Variants in NALCN observed in about 807,000 individuals in gnomAD.
NALCN encodes sodium leak channel, non-selective.
NALCN carries 111 observed loss-of-function variants against 225.3 expected under a neutral mutation model. The ratio of observed to expected loss-of-function variants is 0.49; its 90% CI spans 0.42 to 0.58. NALCN has a LOEUF of 0.58. Among genes scored for constraint, NALCN ranks in the 20% least tolerant of loss-of-function variants. NALCN has a pLI of 0.00. For missense variants in NALCN, 1,378 were observed against 2,202.4 expected (o/e 0.63, Z 7.49); for synonymous variants, 764 against 769.0 (o/e 0.99, Z 0.11).
intron 14 of NALCN, among the ~76,000 whole-genome samples, chr13:101,183,581 T>A (rs1190038450): frequency 2.0e-5 from 3 of 152,108 alleles, no homozygotes; most frequent in African/African-American, 7.2e-5. Flanking sequence ...TGCTTCAGCC[T>A]CCGAAGTAGC....
At chr13:101,066,308 C>A (rs866146184) in intron 39 of NALCN, among the ~76,000 whole-genome samples, 170 of 125,052 alleles carry the variant, frequency 1.4e-3, no homozygotes, top group African/African-American at 2.3e-3. Context: ...GACTCCATCT[C>A]AAAAAAAAAA....
Position 101,376,968 on chromosome 13 carries a change from C to A in NALCN, c.464G>T (p.Arg155Leu). ...PRPLIMIRAF[R>L]IYFRFELPRT... Reference sequence around the variant, plus strand: ...TGGCAGTTCAAATCGGAAATAAATCCGGAATGCTCGGATCATAATCAGTGG... The same window carrying A: ...TGGCAGTTCAAATCGGAAATAAATCAGGAATGCTCGGATCATAATCAGTGG... Residue 155 changes from arginine (R) to leucine (L), a missense_variant, in exon 5 of 44, where the codon CGG becomes CTG. Coordinates refer to ENST00000251127, the MANE Select transcript of NALCN (RefSeq NM_052867.4). 6.2e-7 allele frequency: 1 copy of A among 1,614,112 alleles called. No homozygotes were observed. The highest frequency in any genetic ancestry group is 8.5e-7 in the Non-Finnish European group (1 of 1,180,020).
intron 6 of NALCN, among the ~76,000 whole-genome samples, chr13:101,348,565 C>T (rs1046342522): frequency 2.0e-5 from 3 of 151,926 alleles, no homozygotes; most frequent in African/African-American, 7.3e-5. Context: ...AGAATGGTGC[C>T]AAAAATAAGT....
intron 7 of NALCN, among the ~76,000 whole-genome samples, chr13:101,344,127 T>G (rs1037994033): frequency 2.6e-5 from 4 of 152,182 alleles, no homozygotes; most frequent in Non-Finnish European, 4.4e-5. Context: ...ATACCACATC[T>G]GTGATTTCTT....
chr13:101,075,810 A>G, intron 35 of NALCN, 63 bp downstream of exon 35: 1 of 1,393,938 alleles, frequency 7.2e-7, no homozygotes, highest in Admixed American at 2.1e-5. Flanking sequence ...TAATCAATTA[A>G]TCACCATTCT....
intron 11 of NALCN, among the ~76,000 whole-genome samples, chr13:101,252,531 C>T (rs543514038): frequency 5.9e-5 from 9 of 152,122 alleles, no homozygotes; most frequent in African/African-American, 2.2e-4. Context: ...AGGGGAAGAG[C>T]CTGCCTGGCT....
intron 7 of NALCN, among the ~76,000 whole-genome samples, chr13:101,298,970 T>C (rs2043853760): frequency 6.6e-6 from 1 of 152,252 alleles, no homozygotes; most frequent in Admixed American, 6.5e-5. Flanking sequence ...TTATATTAAG[T>C]ATTTTTGAAA....
At chr13:101,095,762 T>A in intron 27 of NALCN, 82 bp from the exon 28 acceptor site, 1 of 1,175,322 alleles carries the variant, frequency 8.5e-7, no homozygotes, top group Non-Finnish European at 1.2e-6. Flanking sequence ...AACTCTTTCT[T>A]CTTTCACGGA....
rs138902474 is a variant in NALCN, at chr13:101,062,100, G to T, written c.4623C>A (p.Ser1541=). The T allele has an allele frequency of 1.9e-6, 3 of 1,613,888 alleles. No individual in the cohort carries two copies. In the African/African-American group the frequency reaches 4.0e-5, roughly 22 times the overall value. ...HDVLSMLSYR[S]VDIRKSLQLE... is the part of the protein sequence containing the mutation. ...GCTGCAAGCTCTTCCGGATGTCCACGGACCGGTATGAAAGCATGCTGGTGG... is the reference window on the plus strand; with the variant it reads ...GCTGCAAGCTCTTCCGGATGTCCACTGACCGGTATGAAAGCATGCTGGTGG... The change falls in exon 41 of 44, where the codon TCC becomes TCA. Residue 1541 remains serine, a synonymous_variant. Coordinates refer to ENST00000251127, the MANE Select transcript of NALCN (RefSeq NM_052867.4).
chr13:101,071,711 C>T (rs1401997655), intron 37 of NALCN, among the ~76,000 whole-genome samples: 1 of 152,202 alleles, frequency 6.6e-6, no homozygotes, highest in East Asian at 1.9e-4. Flanking sequence ...CATGTGTTCA[C>T]TGGAGTAGCA....
Position 101,168,474 on chromosome 13 carries a change from G to A in NALCN, c.1839+7826C>T, listed in dbSNP as rs558049166. Among the ~76,000 whole-genome samples, 3 of 152,068 alleles carry A rather than the reference G, an allele frequency of 2.0e-5. No homozygotes were observed. In the South Asian group the frequency reaches 6.2e-4, roughly 32 times the overall value. On this transcript the variant is annotated intron_variant, in intron 15 of 43. Coordinates refer to ENST00000251127, the MANE Select transcript of NALCN (RefSeq NM_052867.4). ...TCTCTTGTATTTCTTCTGCATCAGCGCACTTAAAGAAATCTAGAAATCTGG... is the reference window on the plus strand; with the variant it reads ...TCTCTTGTATTTCTTCTGCATCAGCACACTTAAAGAAATCTAGAAATCTGG...
chr13:101,249,396 A>G (rs1336017390), intron 11 of NALCN, among the ~76,000 whole-genome samples: 1 of 152,194 alleles, frequency 6.6e-6, no homozygotes, highest in Non-Finnish European at 1.5e-5. Context: ...CACAGAAGAG[A>G]AAAAGAGAAA....
intron 13 of NALCN, among the ~76,000 whole-genome samples, chr13:101,199,147 G>C (rs566220141): frequency 9.9e-5 from 15 of 151,994 alleles, no homozygotes; most frequent in African/African-American, 3.6e-4. Context: ...TGTGGGGTGG[G>C]GGGAGGTGGG....
chr13:101,289,549 T>TATATATATATATATATAC (rs1491392183), intron 9 of NALCN, among the ~76,000 whole-genome samples: 10 of 81,090 alleles, frequency 1.2e-4, no homozygotes, highest in Non-Finnish European at 3.2e-4. Flanking sequence ...TATATATATA[T>TATATATATATATATATAC]ACACATATTT....
At chr13:101,246,104 C>T (rs2041887370) in intron 11 of NALCN, among the ~76,000 whole-genome samples, 1 of 152,090 alleles carries the variant, frequency 6.6e-6, no homozygotes, top group South Asian at 2.1e-4. Context: ...TCTTTCTTTC[C>T]TTGCTTTGCT....
At position 101,089,530 on chromosome 13, in the gene NALCN, T is replaced by C. The variant is rs2034108386; in HGVS notation, c.3489+133A>G. On this transcript the variant is annotated intron_variant, in intron 30 of 43. Coordinates refer to ENST00000251127, the MANE Select transcript of NALCN (RefSeq NM_052867.4). The surrounding 1 kb of genome is among the most constrained non-coding windows in gnomAD (Gnocchi z 4.7). ...AGCAATGAGGGAGCTTGTAAAACAG[T>C]TATAGAGATTATTTACACCAGTCAC... 1 of 713,366 alleles carries C rather than the reference T, an allele frequency of 1.4e-6. No individual in the cohort carries two copies. The highest frequency in any genetic ancestry group is 2.9e-5 in the Admixed American group (1 of 34,924). 44.2% of individuals were successfully genotyped at this position (713,366 alleles called of 1,614,324 possible). A position where few individuals can be genotyped will look rare whatever the true frequency, so the allele number is the denominator to read the frequency against.
At chr13:101,060,248 T>C (rs2031749723) in intron 41 of NALCN, among the ~76,000 whole-genome samples, 1 of 150,766 alleles carries the variant, frequency 6.6e-6, no homozygotes, top group African/African-American at 2.4e-5. Flanking sequence ...TATTTATTTG[T>C]TTTTCTTTTT....
rs564628309 is a variant in NALCN at position 101,157,814 on chromosome 13, G to A, written c.1840-12918C>T. On this transcript the variant is annotated intron_variant, in intron 15 of 43. Transcript: ENST00000251127. ...TTGCCCAGAGCTGGAGTGCAATGGC[G>A]TGATCTCAGCTCACTACGACCTCTG... 9.3e-5 allele frequency among the ~76,000 whole-genome samples: 14 copies of A among 149,862 alleles called. 1 individual carries two copies. In the East Asian group the frequency reaches 9.9e-4, roughly 11 times the overall value.
intron 15 of NALCN, among the ~76,000 whole-genome samples, chr13:101,156,890 A>G (rs559659596): frequency 1.3e-5 from 2 of 152,338 alleles, no homozygotes; most frequent in South Asian, 4.1e-4. Flanking sequence ...TCTGGCCACA[A>G]TCATGCATTT....
Sources: gnomAD v4.1 joint callset for allele counts (sites outside exome capture counted in the v4.1 genomes callset) on GRCh38, gnomAD v4.1.1 for gene constraint, Gnocchi (gnomAD v3.1) non-coding constraint, MANE v1.5 for transcripts, NCBI Gene and HGNC (gene_info 2026-07-23, HGNC 2026-07-21) for gene names.